The following NRG3 variants were observed in gnomAD, a reference collection of about 807,000 sequenced individuals.
NRG3 encodes neuregulin 3.
Under a neutral mutation model 66.9 loss-of-function variants are expected in NRG3, and 31 were observed. That is an observed-to-expected ratio of 0.46 (90% CI 0.35 to 0.63). The LOEUF (loss-of-function observed/expected upper bound fraction) is 0.63. NRG3 is among the 20% of genes least tolerant of loss of function. The pLI, the probability that NRG3 is intolerant of heterozygous loss-of-function variation, is 0.00. For missense variants in NRG3, 910 were observed against 878.9 expected (o/e 1.04, Z -0.45); for synonymous variants, 393 against 359.4 (o/e 1.09, Z -1.06).
chr10:82,325,437 G>A (rs984280115), intron 1 of NRG3, among the ~76,000 whole-genome samples: 1 of 152,014 alleles, frequency 6.6e-6, no homozygotes, highest in African/African-American at 2.4e-5. Context: ...AAATTTTGGT[G>A]ATTATAAAGT....
intron 3 of NRG3, among the ~76,000 whole-genome samples, chr10:82,769,878 T>C (rs1429226632): frequency 1.3e-5 from 2 of 152,176 alleles, no homozygotes; most frequent in African/African-American, 2.4e-5. Flanking sequence ...CAAGATTTCA[T>C]TGATGAACAA....
intron 1 of NRG3, among the ~76,000 whole-genome samples, chr10:82,179,618 C>T (rs1296635809): frequency 2.6e-5 from 4 of 151,864 alleles, no homozygotes; most frequent in Admixed American, 2.6e-4. Flanking sequence ...TTGTCTTATG[C>T]CAGTACCATA....
intron 1 of NRG3, among the ~76,000 whole-genome samples, chr10:82,260,142 A>C (rs1479146742): frequency 6.6e-6 from 1 of 152,200 alleles, no homozygotes; most frequent in Non-Finnish European, 1.5e-5. Flanking sequence ...CATAACAAAA[A>C]GCGATACATC....
chr10:82,320,549 T>G (rs2081513976), intron 1 of NRG3, among the ~76,000 whole-genome samples: 1 of 152,330 alleles, frequency 6.6e-6, no homozygotes, highest in South Asian at 2.1e-4. Flanking sequence ...TAATAATTTC[T>G]GGAGGTCTCC....
chr10:82,495,631 T>C (rs1232292532), intron 2 of NRG3, among the ~76,000 whole-genome samples: 1 of 152,150 alleles, frequency 6.6e-6, no homozygotes, highest in African/African-American at 2.4e-5. Context: ...TTCCACAACT[T>C]AAAGGGTCTT....
rs1252673337 is a variant in NRG3, at chr10:82,368,814, A to G, written c.953+9946A>G. Among the ~76,000 whole-genome samples, 2 of 139,176 alleles carry G rather than the reference A, an allele frequency of 1.4e-5. 1 individual carries two copies. The highest frequency in any genetic ancestry group is 3.0e-5 in the Non-Finnish European group (2 of 67,636). The allele number at this position is 139,176 out of a possible 152,430, so 91.3% of individuals were successfully genotyped here. A position where few individuals can be genotyped will look rare whatever the true frequency, so the allele number is the denominator to read the frequency against. On this transcript the variant is annotated intron_variant, in intron 2 of 8. Coordinates refer to ENST00000372141, the MANE Select transcript of NRG3 (RefSeq NM_001010848.4). ...ATATTATTTTAGCCAGAGATGATCT[A>G]TCAGTACAAATGTGAACAGTAACCT... is the stretch of plus-strand genomic sequence containing the variant.
intron 3 of NRG3, among the ~76,000 whole-genome samples, chr10:82,846,051 A>G (rs1188232586): frequency 2.6e-5 from 4 of 152,156 alleles, no homozygotes; most frequent in African/African-American, 9.7e-5. Flanking sequence ...CTATACTTCA[A>G]CATTACCCCC....
chr10:82,219,762 G>C (rs754155810), intron 1 of NRG3, among the ~76,000 whole-genome samples: 4 of 151,836 alleles, frequency 2.6e-5, no homozygotes, highest in African/African-American at 7.3e-5. Flanking sequence ...CTTATTATTC[G>C]TAGGTACACA....
chr10:82,563,918 T>A (rs138644419), intron 2 of NRG3, among the ~76,000 whole-genome samples: 206 of 152,244 alleles, frequency 1.4e-3, no homozygotes, highest in African/African-American at 4.8e-3. Context: ...TTGAGTATCT[T>A]AAGATGATAT....
rs548411476 is a variant in NRG3 at position 82,570,702 on chromosome 10, C to G, written c.954-167875C>G. Reference sequence around the variant, plus strand: ...GTTAAGATTGAGGGGAAATTTTGCACTAAGGAAGCAGCAAATCTTCTCCCG... The same window carrying G: ...GTTAAGATTGAGGGGAAATTTTGCAGTAAGGAAGCAGCAAATCTTCTCCCG... On this transcript the variant is annotated intron_variant, in intron 2 of 8. Coordinates refer to ENST00000372141, the MANE Select transcript of NRG3 (RefSeq NM_001010848.4). Among the ~76,000 whole-genome samples the G allele has an allele frequency of 1.6e-4, 24 of 151,692 alleles. No individual in the cohort carries two copies. In the South Asian group the frequency reaches 5.0e-3, roughly 31 times the overall value.
intron 3 of NRG3, among the ~76,000 whole-genome samples, chr10:82,831,389 C>T (rs2062513617): frequency 6.6e-6 from 1 of 152,194 alleles, no homozygotes; most frequent in Non-Finnish European, 1.5e-5. Context: ...TGTGAACTGA[C>T]TATCCAGATC....
intron 4 of NRG3, among the ~76,000 whole-genome samples, chr10:82,911,113 A>T (rs1845280088): frequency 6.6e-6 from 1 of 152,168 alleles, no homozygotes; most frequent in South Asian, 2.1e-4. Context: ...GTAAATATAT[A>T]TGTATGCACG....
intron 2 of NRG3, among the ~76,000 whole-genome samples, chr10:82,562,946 A>G (rs2045149033): frequency 6.6e-6 from 1 of 152,170 alleles, no homozygotes; most frequent in Non-Finnish European, 1.5e-5. Context: ...CACAAGGTCA[A>G]GTATAAATGT....
intron 3 of NRG3, among the ~76,000 whole-genome samples, chr10:82,821,414 G>A (rs2061948422): frequency 6.6e-6 from 1 of 151,500 alleles, no homozygotes; most frequent in African/African-American, 2.4e-5. Context: ...AAAATTTAAA[G>A]CTGATTCCTA....
intron 2 of NRG3, among the ~76,000 whole-genome samples, chr10:82,725,546 A>G (rs1351425404): frequency 6.6e-6 from 1 of 152,200 alleles, no homozygotes; most frequent in East Asian, 1.9e-4. Context: ...GAAAAATTGT[A>G]TACATTAAAC....
chr10:82,084,390 C>G (rs1412997803), intron 1 of NRG3, among the ~76,000 whole-genome samples: 1 of 150,756 alleles, frequency 6.6e-6, no homozygotes, highest in African/African-American at 2.5e-5. Context: ...AGAATGTCAT[C>G]AAAAAATTTG....
intron 4 of NRG3, among the ~76,000 whole-genome samples, chr10:82,889,319 A>G (rs1842964498): frequency 6.6e-6 from 1 of 152,174 alleles, no homozygotes; most frequent in South Asian, 2.1e-4. Context: ...TTTGAGAGAC[A>G]GCAATCAGAG....
At chr10:82,646,715 G>A (rs1056745462) in intron 2 of NRG3, among the ~76,000 whole-genome samples, 14 of 152,082 alleles carry the variant, frequency 9.2e-5, no homozygotes, top group African/African-American at 3.1e-4. Context: ...TTAGATGCTG[G>A]GGTATGCTCA....
intron 4 of NRG3, among the ~76,000 whole-genome samples, chr10:82,909,338 T>G (rs1050827489): frequency 3.3e-5 from 5 of 152,142 alleles, no homozygotes. Flanking sequence ...ACAATACAGG[T>G]TGAACATCCC....
Sources: gnomAD v4.1 joint callset for allele counts (sites outside exome capture counted in the v4.1 genomes callset) on GRCh38, gnomAD v4.1.1 for gene constraint, MANE v1.5 for transcripts, NCBI Gene and HGNC (gene_info 2026-07-23, HGNC 2026-07-21) for gene names.